The following PMPCA variants were observed in gnomAD, a reference collection of about 807,000 sequenced individuals.
PMPCA encodes mitochondrial-processing peptidase subunit alpha.
Under a neutral mutation model 59.3 loss-of-function variants are expected in PMPCA, and 47 were observed. The observed-to-expected ratio is 0.79, with a 90% confidence interval of 0.63 to 1.01. The LOEUF (loss-of-function observed/expected upper bound fraction) is 1.01. PMPCA is among the 50% of genes least tolerant of loss of function. The pLI, the probability that PMPCA is intolerant of heterozygous loss-of-function variation, is 0.00. For missense variants in PMPCA, 726 were observed against 704.5 expected, an observed-to-expected ratio of 1.03 and a Z score of -0.34; for synonymous variants, 338 against 290.3, an observed-to-expected ratio of 1.16 and a Z score of -1.67.
chr9:136,412,810 T>G lies in PMPCA; in HGVS notation c.355T>G (p.Ser119Ala). The G allele has an allele frequency of 6.3e-7, 1 of 1,576,874 alleles. No individual in the cohort carries two copies. Among genetic ancestry groups the G allele is most frequent in the South Asian group, 1.1e-5 (1 of 90,190 alleles). The change falls in exon 4 of 13, where the codon TCT becomes GCT. Residue 119 changes from serine (S) to alanine (A), a missense_variant and splice_region_variant. By Grantham distance (99) the Ser-to-Ala change is moderately conservative. Coordinates refer to ENST00000371717, the MANE Select transcript of PMPCA (RefSeq NM_015160.3). The part of the protein sequence containing the change: ...AHFLEKLAFS[S>A]TARFDSKDEI... ...AGGTTTCCTTATTTATTTTTACTAG[T>G]CTACTGCTCGATTTGACAGCAAAGA... is the stretch of plus-strand genomic sequence containing the variant.
In PMPCA at chr9:136,416,190, C is replaced by A. The variant is rs543095047; in HGVS notation, c.533-101C>A. 7.5e-5 allele frequency: 63 copies of A among 839,554 alleles called. No individual in the cohort carries two copies. The African/African-American group carries it at 9.6e-4, about 13-fold the overall frequency. 52.0% of individuals were successfully genotyped at this position (839,554 alleles called of 1,614,324 possible). ...GGCAGAGGTGACTGCCAACAGCCAC[C>A]AACAGGCGACACTCAGGCCAGCACA... On this transcript the variant is annotated intron_variant, in intron 5 of 12. Transcript: ENST00000371717.
At chr9:136,422,179 C>G in intron 12 of PMPCA, 1 of 1,518,486 alleles carries the variant, frequency 6.6e-7, no homozygotes, top group Non-Finnish European at 8.9e-7. Flanking sequence ...CCGGCCCCAC[C>G]ATGCACCTGC....
chr9:136,418,659 C>T lies in PMPCA; in HGVS notation c.1095C>T (p.Leu365=), dbSNP rs779545111. The T allele has an allele frequency of 6.2e-7, 1 of 1,607,614 alleles. No individual in the cohort carries two copies. The highest frequency in any genetic ancestry group is 2.2e-5 in the East Asian group (1 of 44,854). The stretch of plus-strand genomic sequence containing the variant: ...AGGGCATGTTCTCCAGGCTCTACCT[C>T]AACGTGCTCAACAGGTGGGTTGCAC... ...PGKGMFSRLY[L]NVLNRHHWMY... Residue 365 remains leucine, a synonymous_variant, in exon 9 of 13, where the codon CTC becomes CTT. Transcript: ENST00000371717.
In PMPCA at chr9:136,419,135, C is replaced by T. The variant is rs117893486; in HGVS notation, c.1263+29C>T. 0.029 allele frequency: 46,000 copies of T among 1,594,104 alleles called. 763 individuals are homozygous for T. The highest frequency in any genetic ancestry group is 0.033 in the Non-Finnish European group (38,483 of 1,161,668). ...AGTGCAGTGTGGCGCCATTTCCAGG[C>T]GTACCTGTGGTGTCTGACAGGAGAC... On this transcript the variant is annotated intron_variant, in intron 11 of 12. Coordinates refer to ENST00000371717, the MANE Select transcript of PMPCA (RefSeq NM_015160.3).
Position 136,412,870 on chromosome 9 carries a change from A to G in PMPCA, c.415A>G (p.Ile139Val), listed in dbSNP as rs1280678675. 6.2e-7 allele frequency: 1 copy of G among 1,605,142 alleles called. No individual in the cohort carries two copies. The highest frequency in any genetic ancestry group is 8.5e-7 in the Non-Finnish European group (1 of 1,172,100). Reference sequence around the variant, plus strand: ...GCTTACGTTGGAAAAGCATGGGGGTATCTGTGACTGCCAGACATCAAGGTA... The same window carrying G: ...GCTTACGTTGGAAAAGCATGGGGGTGTCTGTGACTGCCAGACATCAAGGTA... ...ILLTLEKHGGICDCQTSRDTT... is the reference protein window; with the variant it reads ...ILLTLEKHGGVCDCQTSRDTT... Residue 139 changes from isoleucine (I) to valine (V), a missense_variant, in exon 4 of 13, where the codon ATC (isoleucine) becomes GTC (valine). Coordinates refer to ENST00000371717, the MANE Select transcript of PMPCA (RefSeq NM_015160.3).
intron 12 of PMPCA, chr9:136,422,614 C>T (rs1379640374): frequency 3.0e-6 from 3 of 1,007,202 alleles, no homozygotes; most frequent in South Asian, 8.4e-5. Flanking sequence ...CAGGAGCCCC[C>T]GCTTAAATCC....
intron 1 of PMPCA, chr9:136,411,005 G>A (rs375074866): frequency 3.5e-4 from 132 of 380,388 alleles, no homozygotes; most frequent in Middle Eastern, 2.0e-3. Flanking sequence ...CCGAGGCCAT[G>A]CCTCATATTT....
Position 136,423,262 on chromosome 9 carries a change from T to G in PMPCA, c.1576T>G (p.Ter526GluextTer6), listed in dbSNP as rs1320619683. 1 of 1,610,802 alleles carries G rather than the reference T, an allele frequency of 6.2e-7. No homozygotes were observed. The highest frequency in any genetic ancestry group is 2.2e-5 in the East Asian group (1 of 44,846). Residue 526 changes from the stop codon to glutamate, a stop_lost, in exon 13 of 13, where the codon TAG becomes GAG. Transcript: ENST00000371717. The stretch of plus-strand genomic sequence containing the variant: ...GCCCAGGACGTACCGGCTCTTCCGG[T>G]AGAACCGCTCCCCGGCCTGACAGAC... ...RLPRTYRLFR[*>E]
chr9:136,423,314 C>T lies in PMPCA; in HGVS notation c.*50C>T. On this transcript the variant is annotated 3_prime_UTR_variant, in exon 13 of 13. Transcript: ENST00000371717. Reference sequence around the variant, plus strand: ...CAGGGAGCTGCAGCTGGAGCCCGTTCCCGTGCGTGTTAGTTTGGACACGAA... The same window carrying T: ...CAGGGAGCTGCAGCTGGAGCCCGTTTCCGTGCGTGTTAGTTTGGACACGAA... The T allele has an allele frequency of 6.4e-7, 1 of 1,562,092 alleles. No individual in the cohort carries two copies. Among genetic ancestry groups the T allele is most frequent in the Middle Eastern group, 1.8e-4 (1 of 5,510 alleles).
At position 136,423,627 on chromosome 9, in the gene PMPCA, C is replaced by T. The variant is rs1477942793; in HGVS notation, c.*363C>T. On this transcript the variant is annotated 3_prime_UTR_variant, in exon 13 of 13. Transcript: ENST00000371717. Reference sequence around the variant, plus strand: ...CAAAGGCTGACCTATCAAAGCCTCCCGGAGGCCACCGTGCTGGGTACCAGG... The same window carrying T: ...CAAAGGCTGACCTATCAAAGCCTCCTGGAGGCCACCGTGCTGGGTACCAGG... 3 of 246,802 alleles carry T rather than the reference C, an allele frequency of 1.2e-5. No individual in the cohort carries two copies. Among genetic ancestry groups the T allele is most frequent in the Non-Finnish European group, 2.4e-5 (3 of 124,080 alleles). The allele number at this position is 246,802 out of a possible 1,614,324, so 15.3% of individuals were successfully genotyped here. A position where few individuals can be genotyped will look rare whatever the true frequency, so the allele number is the denominator to read the frequency against.
In PMPCA at chr9:136,423,076, C is replaced by T. The variant is rs766169912; in HGVS notation, c.1409-19C>T. ...GGCCGTGGCGCGCTCGTGTGACACGCGTTTGCCCTCTGCACTAGGCAACGT... is the reference window on the plus strand; with the variant it reads ...GGCCGTGGCGCGCTCGTGTGACACGTGTTTGCCCTCTGCACTAGGCAACGT... On this transcript the variant is annotated intron_variant, in intron 12 of 12. Coordinates refer to ENST00000371717, the MANE Select transcript of PMPCA (RefSeq NM_015160.3). 8.1e-6 allele frequency: 13 copies of T among 1,604,772 alleles called. No homozygotes were observed. Among genetic ancestry groups the T allele is most frequent in the African/African-American group, 4.0e-5 (3 of 74,874 alleles).
intron 12 of PMPCA, 188 bp from the exon 13 acceptor site, chr9:136,422,906 CA>C (rs34976365): frequency 0.27 from 373,335 of 1,403,764 alleles, 51,734 homozygotes; most frequent in Non-Finnish European, 0.29. Flanking sequence ...ACTGAGAACT[CA>C]ACGTCTGTCA....
At position 136,423,417 on chromosome 9, in the gene PMPCA, T is replaced by A; in HGVS notation, c.*153T>A. The stretch of plus-strand genomic sequence containing the variant: ...AGCACCCACGCGGTTTGCATTCTTT[T>A]GGAACTCAATGTGCCGATCAGTGGA... On this transcript the variant is annotated 3_prime_UTR_variant, in exon 13 of 13. Coordinates refer to ENST00000371717, the MANE Select transcript of PMPCA (RefSeq NM_015160.3). 1.3e-6 allele frequency: 1 copy of A among 753,334 alleles called. No individual in the cohort carries two copies. Among genetic ancestry groups the A allele is most frequent in the Non-Finnish European group, 2.1e-6 (1 of 475,238 alleles). The allele number at this position is 753,334 out of a possible 1,614,324, so 46.7% of individuals were successfully genotyped here.
chr9:136,410,882 G>A (rs1473688899), intron 1 of PMPCA, 143 bp downstream of exon 1: 3 of 626,678 alleles, frequency 4.8e-6, no homozygotes, highest in Non-Finnish European at 2.3e-6. Flanking sequence ...CGAGGCGACG[G>A]GGGCCCTGCC....
chr9:136,412,162 A>G lies in PMPCA; in HGVS notation c.237A>G (p.Ala79=). The part of the protein sequence containing the change: ...VTTLDNGLRV[A]SQNKFGQFCT... ...CATTGGATAATGGGCTTCGCGTGGCATCTCAGAATAAGTTTGGACAGTTTT... is the reference window on the plus strand; with the variant it reads ...CATTGGATAATGGGCTTCGCGTGGCGTCTCAGAATAAGTTTGGACAGTTTT... Residue 79 remains alanine, a synonymous_variant, in exon 2 of 13, where the codon GCA becomes GCG. Coordinates refer to ENST00000371717, the MANE Select transcript of PMPCA (RefSeq NM_015160.3). 2 of 1,614,066 alleles carry G rather than the reference A, an allele frequency of 1.2e-6. No individual in the cohort carries two copies. The highest frequency in any genetic ancestry group is 1.7e-6 in the Non-Finnish European group (2 of 1,179,962).
intron 5 of PMPCA, chr9:136,416,000 G>A (rs1044706287): frequency 9.7e-6 from 5 of 516,474 alleles, no homozygotes; most frequent in South Asian, 2.4e-5. Flanking sequence ...GGGACAGACA[G>A]GTCCAGTGTC....
chr9:136,417,241 C>T (rs1385889912), intron 7 of PMPCA, 27 bp downstream of exon 7: 3 of 1,538,578 alleles, frequency 1.9e-6, no homozygotes, highest in Non-Finnish European at 2.6e-6. Flanking sequence ...GTCTCATGGC[C>T]TCGGGTGGGG....
chr9:136,412,913 A>C, intron 4 of PMPCA, 21 bp downstream of exon 4: 11 of 1,444,476 alleles, frequency 7.6e-6, no homozygotes, highest in Non-Finnish European at 1.1e-5. Context: ...TTTTGTGTAC[A>C]AACTGACTTT....
At chr9:136,412,777 G>C (rs1835171813) in intron 3 of PMPCA, 33 bp from the exon 4 acceptor site, 1 of 1,300,352 alleles carries the variant, frequency 7.7e-7, no homozygotes, top group Non-Finnish European at 1.1e-6. Flanking sequence ...AGCCTGGATT[G>C]CTTATTTAGG....
Sources: gnomAD v4.1 joint callset for allele counts on GRCh38, gnomAD v4.1.1 for gene constraint, MANE v1.5 for transcripts, NCBI Gene and HGNC (gene_info 2026-07-23, HGNC 2026-07-21) for gene names.